The following PHF7 variants were observed in gnomAD, a reference collection of about 807,000 sequenced individuals.
PHF7 encodes the protein E3 ubiquitin-protein ligase PHF7.
PHF7 carries 24 observed loss-of-function variants against 47.5 expected under a neutral mutation model. The ratio of observed to expected loss-of-function variants is 0.51; its 90% CI spans 0.37 to 0.71. The LOEUF is 0.71. Among genes scored for constraint, PHF7 ranks in the 30% least tolerant of loss-of-function variants. The pLI, the probability that PHF7 is intolerant of heterozygous loss-of-function variation, is 0.00. For synonymous variants in PHF7, 156 were observed against 153.8 expected, an observed-to-expected ratio of 1.01 and a Z score of -0.11; for missense variants, 361 against 456.8, an observed-to-expected ratio of 0.79 and a Z score of 1.91.
At position 52,420,116 on chromosome 3, in the gene PHF7, A is replaced by G. The variant is rs112933459; in HGVS notation, c.288+182A>G. 338 of 781,370 alleles carry G rather than the reference A, an allele frequency of 4.3e-4. 1 individual carries two copies. The African/African-American group carries it at 5.1e-3, about 12-fold the overall frequency. The allele number at this position is 781,370 out of a possible 1,614,324, so 48.4% of individuals were successfully genotyped here. A position where few individuals can be genotyped will look rare whatever the true frequency, so the allele number is the denominator to read the frequency against. On this transcript the variant is annotated intron_variant, in intron 5 of 10. Coordinates refer to ENST00000327906, the MANE Select transcript of PHF7 (RefSeq NM_016483.7). Reference sequence around the variant, plus strand: ...GGGTGTCCTAAGTGAGAAGAGGGAGAAACATCTTGAGAAAATAGGAAAGAA... The same window carrying G: ...GGGTGTCCTAAGTGAGAAGAGGGAGGAACATCTTGAGAAAATAGGAAAGAA...
chr3:52,418,261 T>C (rs567391267), intron 4 of PHF7, among the ~76,000 whole-genome samples: 4 of 152,238 alleles, frequency 2.6e-5, no homozygotes, highest in Admixed American at 1.3e-4. Flanking sequence ...GGCTTAGTTA[T>C]AATTTTGATG....
intron 4 of PHF7, among the ~76,000 whole-genome samples, chr3:52,415,406 G>C (rs911311780): frequency 1.2e-4 from 19 of 152,130 alleles, no homozygotes; most frequent in African/African-American, 4.6e-4. Flanking sequence ...TGTTAGCCAG[G>C]CTGGTCTTGA....
intron 8 of PHF7, 149 bp downstream of exon 8, chr3:52,421,903 A>G (rs1397793947): frequency 3.6e-6 from 2 of 562,968 alleles, no homozygotes; most frequent in Non-Finnish European, 6.4e-6. Context: ...TTCAATTATC[A>G]AAACAGAAGG....
intron 8 of PHF7, 61 bp downstream of exon 8, chr3:52,421,815 G>A (rs1415592239): frequency 1.2e-6 from 1 of 848,048 alleles, no homozygotes; most frequent in Non-Finnish European, 2.1e-6. Context: ...TTTCTAGAGA[G>A]GAGGTGAGTG....
chr3:52,421,210 GAA>G, intron 7 of PHF7, 148 bp downstream of exon 7: 2 of 670,986 alleles, frequency 3.0e-6, no homozygotes, highest in Non-Finnish European at 5.0e-6. Context: ...GCAGTTAGAG[GAA>G]AGTCAGTCCA....
intron 2 of PHF7, among the ~76,000 whole-genome samples, chr3:52,413,252 C>A (rs1705515063): frequency 6.6e-6 from 1 of 152,154 alleles, no homozygotes; most frequent in Non-Finnish European, 1.5e-5. Flanking sequence ...TCTGTAGATT[C>A]ATTGAGCTAC....
At chr3:52,419,726 C>A in intron 4 of PHF7, 107 bp from the exon 5 acceptor site, 1 of 754,082 alleles carries the variant, frequency 1.3e-6, no homozygotes, top group South Asian at 1.5e-5. Context: ...CCACCACACC[C>A]GGCCCAAGCT....
intron 4 of PHF7, 58 bp downstream of exon 4, chr3:52,414,645 T>C (rs1705566037): frequency 5.3e-6 from 5 of 935,696 alleles, no homozygotes; most frequent in Non-Finnish European, 6.9e-6. Context: ...TACTGACTGT[T>C]CTCTGTTACA....
intron 4 of PHF7, among the ~76,000 whole-genome samples, chr3:52,415,198 A>T (rs1404932002): frequency 6.6e-6 from 1 of 151,784 alleles, no homozygotes. Context: ...AAAATCACCA[A>T]TTTTTTTCTT....
Position 52,420,411 on chromosome 3 carries a change from T to A in PHF7, c.389T>A (p.Leu130His). ...HLPCGQERGC[L>H]SQFFGEYKSF... Reference sequence around the variant, plus strand: ...CCTTGTGGCCAAGAAAGGGGTTGCCTTTCACAATTTTTTGGAGAGTACAAG... The same window carrying A: ...CCTTGTGGCCAAGAAAGGGGTTGCCATTCACAATTTTTTGGAGAGTACAAG... The change falls in exon 6 of 11, where the codon CTT becomes CAT. Residue 130 changes from leucine to histidine, a missense_variant. Physicochemically the swap from Leu to His is moderately conservative, Grantham distance 99 (BLOSUM62 -3). Coordinates refer to ENST00000327906, the MANE Select transcript of PHF7 (RefSeq NM_016483.7). 3 of 1,614,166 alleles carry A rather than the reference T, an allele frequency of 1.9e-6. No homozygotes were observed. Among genetic ancestry groups the A allele is most frequent in the Non-Finnish European group, 2.5e-6 (3 of 1,180,000 alleles).
chr3:52,422,009 A>G, intron 8 of PHF7: 1 of 599,984 alleles, frequency 1.7e-6, no homozygotes, highest in South Asian at 2.0e-5. Context: ...ATTGGATTCC[A>G]GAGTGGAACT....
intron 2 of PHF7, 81 bp downstream of exon 2, chr3:52,413,001 C>A: frequency 1.8e-6 from 2 of 1,085,122 alleles, no homozygotes; most frequent in South Asian, 1.3e-5. Context: ...CCCCCTTTGT[C>A]GTAGTCTTGG....
At chr3:52,413,936 A>G (rs1358033722) in intron 2 of PHF7, 60 bp from the exon 3 acceptor site, 3 of 1,156,450 alleles carry the variant, frequency 2.6e-6, no homozygotes, top group East Asian at 2.3e-5. Flanking sequence ...GAGAAATGTT[A>G]AAAAGGTTAT....
At chr3:52,411,785 A>G (rs1172449368) in intron 1 of PHF7, among the ~76,000 whole-genome samples, 1 of 152,286 alleles carries the variant, frequency 6.6e-6, no homozygotes, top group Non-Finnish European at 1.5e-5. Flanking sequence ...GAAAACAGGT[A>G]ACAGCCGGAG....
chr3:52,418,655 G>A (rs1705692328), intron 4 of PHF7, among the ~76,000 whole-genome samples: 2 of 152,168 alleles, frequency 1.3e-5, no homozygotes, highest in Admixed American at 1.3e-4. Flanking sequence ...GCAGCAGGAA[G>A]GGTAAGAATG....
At chr3:52,417,607 T>A (rs752066079) in intron 4 of PHF7, among the ~76,000 whole-genome samples, 15 of 152,358 alleles carry the variant, frequency 9.8e-5, no homozygotes, top group African/African-American at 3.6e-4. Flanking sequence ...ATGCATTTTA[T>A]TTTTGTATAT....
At chr3:52,413,871 T>C in intron 2 of PHF7, 125 bp from the exon 3 acceptor site, 1 of 682,122 alleles carries the variant, frequency 1.5e-6, no homozygotes. Context: ...AAGAAGCTGA[T>C]GTCTTAGGCT....
At chr3:52,422,469 C>T in intron 9 of PHF7, 131 bp downstream of exon 9, 1 of 717,326 alleles carries the variant, frequency 1.4e-6, no homozygotes, top group Admixed American at 2.1e-5. Flanking sequence ...TGCTAAGTCT[C>T]ATTCTTGACC....
intron 4 of PHF7, among the ~76,000 whole-genome samples, chr3:52,418,353 A>G: frequency 6.6e-6 from 1 of 152,172 alleles, no homozygotes; most frequent in East Asian, 1.9e-4. Context: ...TCCATCATAT[A>G]TATTTTGGAA....
Sources: allele counts gnomAD v4.1 joint callset (sites outside exome capture counted in the v4.1 genomes callset), GRCh38; gene constraint gnomAD v4.1.1; transcripts MANE v1.5; gene names NCBI Gene and HGNC (gene_info 2026-07-23, HGNC 2026-07-21).